Variants in SOCS7 observed in about 807,000 individuals in gnomAD.
SOCS7 encodes suppressor of cytokine signaling 7.
A neutral mutation model predicts 58.9 loss-of-function variants in SOCS7; 18 were observed. The ratio of observed to expected loss-of-function variants is 0.31; its 90% CI spans 0.21 to 0.45. The LOEUF is 0.45. SOCS7 is among the 20% of genes least tolerant of loss of function. The pLI is 1.00. For synonymous variants in SOCS7, 388 were observed against 364.3 expected (o/e 1.06, Z -0.74); for missense variants, 667 against 837.3 (o/e 0.80, Z 2.51).
At chr17:38,396,910 ATGTCT>A (rs1225903420) in intron 9 of SOCS7, among the ~76,000 whole-genome samples, 2 of 152,110 alleles carry the variant, frequency 1.3e-5, no homozygotes, top group Non-Finnish European at 2.9e-5. Flanking sequence ...TAAATATCTA[ATGTCT>A]TGTGTCTAGG....
chr17:38,361,593 GACA>G, intron 1 of SOCS7, 115 bp from the exon 2 acceptor site: 1 of 798,668 alleles, frequency 1.3e-6, no homozygotes, highest in Non-Finnish European at 2.2e-6. Context: ...GAGTGTTGCT[GACA>G]ACGACTAGGG....
chr17:38,366,780 G>A (rs1206043553), intron 5 of SOCS7, among the ~76,000 whole-genome samples: 8 of 152,132 alleles, frequency 5.3e-5, no homozygotes, highest in Non-Finnish European at 1.2e-4. Context: ...ATAGGCGTAA[G>A]CCACCACACC....
intron 4 of SOCS7, 48 bp downstream of exon 4, chr17:38,365,457 TG>T: frequency 8.1e-7 from 1 of 1,228,476 alleles, no homozygotes; most frequent in Non-Finnish European, 1.2e-6. Context: ...GAGTACAAAG[TG>T]ATACTTTCTA....
rs2037561394 is a variant in SOCS7 at position 38,352,148 on chromosome 17, C to T, written c.96C>T (p.Pro32=). Residue 32 remains proline (P), a synonymous_variant, in exon 1 of 10, where the codon CCC becomes CCT. Coordinates refer to ENST00000612932, the MANE Select transcript of SOCS7 (RefSeq NM_014598.4). This position sits in a 1 kb window ranked among gnomAD's most constrained non-coding sequence, Gnocchi z 5.5. The part of the protein sequence containing the change: ...SRLLGYGEAA[P]EPGPPPPPPG... ...TCCTTGGCTATGGAGAGGCGGCCCC[C>T]GAGCCAGGCCCTCCGCCACCGCCCC... The T allele has an allele frequency of 8.6e-7, 1 of 1,167,956 alleles. No homozygotes were observed. The highest frequency in any genetic ancestry group is 4.4e-5 in the Admixed American group (1 of 22,848). The allele number at this position is 1,167,956 out of a possible 1,614,324, so 72.3% of individuals were successfully genotyped here.
At position 38,404,083 on chromosome 17, in the gene SOCS7, T is replaced by C. The variant is rs148748932; in HGVS notation, c.*4601T>C. The C allele has an allele frequency of 1.2e-3, 183 of 152,294 alleles. 1 individual carries two copies. Among genetic ancestry groups the C allele is most frequent in the African/African-American group, 3.7e-3 (155 of 41,554 alleles). The allele number at this position is 152,294 out of a possible 1,614,324, so 9.4% of individuals were successfully genotyped here. A position where few individuals can be genotyped will look rare whatever the true frequency, so the allele number is the denominator to read the frequency against. On this transcript the variant is annotated 3_prime_UTR_variant, in exon 10 of 10. Transcript: ENST00000612932. The stretch of plus-strand genomic sequence containing the variant: ...GTCTGCACGTCCCTGTGGTAGACCC[T>C]GCTTTCACATTGGAGCCTTCACACT...
chr17:38,352,450 C>T lies in SOCS7; in HGVS notation c.398C>T (p.Ala133Val). 3 of 1,460,754 alleles carry T rather than the reference C, an allele frequency of 2.1e-6. No individual in the cohort carries two copies. The highest frequency in any genetic ancestry group is 2.7e-6 in the Non-Finnish European group (3 of 1,108,532). The allele number at this position is 1,460,754 out of a possible 1,614,324, so 90.5% of individuals were successfully genotyped here. The change falls in exon 1 of 10, where the codon GCG (alanine) becomes GTG (valine). Residue 133 changes from alanine to valine, a missense_variant. Around this residue, in one of 9 missense-constraint regions of SOCS7, gnomAD observed 154 missense variants for 156.3 expected, o/e 0.98. Coordinates refer to ENST00000612932, the MANE Select transcript of SOCS7 (RefSeq NM_014598.4). This position sits in a 1 kb window ranked among gnomAD's most constrained non-coding sequence, Gnocchi z 5.5. ...GCGGCTCTGGGGCTCGGGCAGCCGGCGGGGCCGGGGGTCAAGACAGTCGGT... is the reference window on the plus strand; with the variant it reads ...GCGGCTCTGGGGCTCGGGCAGCCGGTGGGGCCGGGGGTCAAGACAGTCGGT... The part of the protein sequence containing the change: ...QLAALGLGQP[A>V]GPGVKTVGGG...
Position 38,364,825 on chromosome 17 carries a change from T to C in SOCS7, c.1119T>C (p.Pro373=). ...GLTSPHPPTP[P]PPPRRSLSLL... ...CCTCTCCACACCCTCCAACTCCCCCTCCTCCTCCGAGAAGAAGCCTCAGCC... is the reference window on the plus strand; with the variant it reads ...CCTCTCCACACCCTCCAACTCCCCCCCCTCCTCCGAGAAGAAGCCTCAGCC... Residue 373 remains proline, a synonymous_variant, in exon 3 of 10, where the codon CCT becomes CCC. Coordinates refer to ENST00000612932, the MANE Select transcript of SOCS7 (RefSeq NM_014598.4). 1.2e-6 allele frequency: 2 copies of C among 1,613,612 alleles called. No individual in the cohort carries two copies. Among genetic ancestry groups the C allele is most frequent in the East Asian group, 4.5e-5 (2 of 44,880 alleles).
intron 7 of SOCS7, among the ~76,000 whole-genome samples, chr17:38,386,046 C>T (rs2038064036): frequency 6.6e-6 from 1 of 151,790 alleles, no homozygotes; most frequent in Non-Finnish European, 1.5e-5. Context: ...TAGCCGAGGC[C>T]AGGCGCGGTG....
Position 38,393,825 on chromosome 17 carries a change from G to A in SOCS7, c.1682-1484G>A, listed in dbSNP as rs371775897. On this transcript the variant is annotated intron_variant, in intron 7 of 9. Coordinates refer to ENST00000612932, the MANE Select transcript of SOCS7 (RefSeq NM_014598.4). Reference sequence around the variant, plus strand: ...TGAGGCAGGAGAATGGCATGAACCCGGGAGGCAGAGCTTGTAGTGAGCCGA... The same window carrying A: ...TGAGGCAGGAGAATGGCATGAACCCAGGAGGCAGAGCTTGTAGTGAGCCGA... Among the ~76,000 whole-genome samples, 116 of 148,996 alleles carry A rather than the reference G, an allele frequency of 7.8e-4. 1 individual carries two copies. Among genetic ancestry groups the A allele is most frequent in the African/African-American group, 2.6e-3 (107 of 40,386 alleles).
intron 6 of SOCS7, among the ~76,000 whole-genome samples, chr17:38,375,433 C>A (rs1049153242): frequency 1.3e-5 from 2 of 152,042 alleles, no homozygotes; most frequent in African/African-American, 4.8e-5. Flanking sequence ...GATCCACTTC[C>A]ATTTAATGAA....
Position 38,405,564 on chromosome 17 carries a change from G to A in SOCS7, c.*6082G>A, listed in dbSNP as rs1453060717. Reference sequence around the variant, plus strand: ...ATGTCTTTTTGGGGAGGGGTGAAAAGAGATTTGAAATAAAAATGTTTAGAA... The same window carrying A: ...ATGTCTTTTTGGGGAGGGGTGAAAAAAGATTTGAAATAAAAATGTTTAGAA... On this transcript the variant is annotated 3_prime_UTR_variant, in exon 10 of 10. Coordinates refer to ENST00000612932, the MANE Select transcript of SOCS7 (RefSeq NM_014598.4). 6.6e-6 allele frequency: 1 copy of A among 152,170 alleles called. No individual in the cohort carries two copies. Among genetic ancestry groups the A allele is most frequent in the Non-Finnish European group, 1.5e-5 (1 of 68,026 alleles). The allele number at this position is 152,170 out of a possible 1,614,324, so 9.4% of individuals were successfully genotyped here. A position where few individuals can be genotyped will look rare whatever the true frequency, so the allele number is the denominator to read the frequency against.
intron 7 of SOCS7, among the ~76,000 whole-genome samples, chr17:38,384,021 G>A (rs2038036350): frequency 2.0e-5 from 3 of 152,120 alleles, no homozygotes; most frequent in African/African-American, 7.2e-5. Flanking sequence ...TGTTTTATAG[G>A]TACAGAGTCA....
At chr17:38,389,915 A>G (rs1567751078) in intron 7 of SOCS7, among the ~76,000 whole-genome samples, 1 of 113,560 alleles carries the variant, frequency 8.8e-6, no homozygotes, top group East Asian at 2.5e-4. Context: ...ATAGAGAGAG[A>G]GAGAGAGAGA....
chr17:38,367,756 GGC>G (rs2037810604), intron 5 of SOCS7, 124 bp from the exon 6 acceptor site: 1 of 751,412 alleles, frequency 1.3e-6, no homozygotes, highest in Non-Finnish European at 2.2e-6. Context: ...ACTTGTAAGT[GGC>G]TTTTACCTAT....
At chr17:38,388,235 A>T (rs1401089841) in intron 7 of SOCS7, among the ~76,000 whole-genome samples, 1 of 152,060 alleles carries the variant, frequency 6.6e-6, no homozygotes, top group Non-Finnish European at 1.5e-5. Context: ...TATAATTCAC[A>T]TAACATGAAA....
chr17:38,389,859 ATG>A (rs1165586168), intron 7 of SOCS7, among the ~76,000 whole-genome samples: 6 of 98,302 alleles, frequency 6.1e-5, no homozygotes, highest in African/African-American at 3.0e-4. Flanking sequence ...TTTGGTGTGT[ATG>A]TGTGTACATA....
At chr17:38,362,103 AGAC>A (rs2037728013) in intron 2 of SOCS7, among the ~76,000 whole-genome samples, 8 of 152,238 alleles carry the variant, frequency 5.3e-5, no homozygotes, top group Admixed American at 2.0e-4. Context: ...AGTGCATAAA[AGAC>A]TCTCTAGAAG....
chr17:38,353,513 A>G (rs149893248), intron 1 of SOCS7, among the ~76,000 whole-genome samples: 26 of 152,326 alleles, frequency 1.7e-4, no homozygotes, highest in African/African-American at 5.8e-4. Context: ...CCAGCAATCA[A>G]TTGGACACCT....
chr17:38,392,782 G>A (rs527438893), intron 7 of SOCS7, among the ~76,000 whole-genome samples: 1 of 152,236 alleles, frequency 6.6e-6, no homozygotes, highest in Admixed American at 6.5e-5. Flanking sequence ...AGAGGTGCAG[G>A]CACTCTAGAG....
Sources: gnomAD v4.1 joint callset for allele counts (sites outside exome capture counted in the v4.1 genomes callset) on GRCh38, gnomAD v4.1.1 for gene constraint, gnomAD v4.1.1 regional missense constraint, Gnocchi (gnomAD v3.1) non-coding constraint, MANE v1.5 for transcripts, NCBI Gene and HGNC (gene_info 2026-07-23, HGNC 2026-07-21) for gene names.